The following BRAT1 variants were observed in gnomAD, a reference collection of about 807,000 sequenced individuals.
The protein encoded by BRAT1 is BRCA1 associated ATM activator 1.
Under a neutral mutation model 70.6 loss-of-function variants are expected in BRAT1, and 74 were observed. The observed-to-expected ratio is 1.05, with a 90% CI of 0.87 to 1.27. BRAT1 has a LOEUF of 1.27. Among genes scored for constraint, BRAT1 ranks in the 50% most tolerant of loss-of-function variants. BRAT1 has a pLI of 0.00. For missense variants in BRAT1, 1,203 were observed against 1,098.2 expected (o/e 1.10, Z -1.35); for synonymous variants, 615 against 517.1 (o/e 1.19, Z -2.57).
At chr7:2,552,777 CG>C (rs1482250516) in intron 2 of BRAT1, among the ~76,000 whole-genome samples, 1 of 150,822 alleles carries the variant, frequency 6.6e-6, no homozygotes, top group Admixed American at 6.6e-5. Flanking sequence ...CTCGCTCTGT[CG>C]CCCAGGCTGC....
chr7:2,543,994 G>A lies in BRAT1; in HGVS notation c.431-32C>T. Reference sequence around the variant, plus strand: ...AGGGGATGGGGGAAGAGAGGGAAAAGGGGGTGAGCCAGAATAGAGCTGGGG... The same window carrying A: ...AGGGGATGGGGGAAGAGAGGGAAAAAGGGGTGAGCCAGAATAGAGCTGGGG... On this transcript the variant is annotated intron_variant, in intron 4 of 13. Coordinates refer to ENST00000340611, the MANE Select transcript of BRAT1 (RefSeq NM_152743.4). This position sits in a 1 kb window ranked among gnomAD's most constrained non-coding sequence, Gnocchi z 5.5. 6 of 1,523,434 alleles carry A rather than the reference G, an allele frequency of 3.9e-6. No homozygotes were observed. Among genetic ancestry groups the A allele is most frequent in the Non-Finnish European group, 5.3e-6 (6 of 1,129,270 alleles). The allele number at this position is 1,523,434 out of a possible 1,614,324, so 94.4% of individuals were successfully genotyped here.
At chr7:2,545,997 T>C (rs770152484) in intron 3 of BRAT1, among the ~76,000 whole-genome samples, 13 of 152,232 alleles carry the variant, frequency 8.5e-5, no homozygotes, top group Non-Finnish European at 1.2e-4. Flanking sequence ...GGCGAGGGCC[T>C]GTGAGGCACC....
chr7:2,543,056 C>G lies in BRAT1; in HGVS notation c.923+148G>C. 2.0e-6 allele frequency: 2 copies of G among 1,010,410 alleles called. No homozygotes were observed. The highest frequency in any genetic ancestry group is 2.7e-5 in the Admixed American group (1 of 37,558). The allele number at this position is 1,010,410 out of a possible 1,614,324, so 62.6% of individuals were successfully genotyped here. ...AACCTTCAGAAGCTGCCGCGCGCAACCCACGCACCACCCAGTCACACCCCG... is the reference window on the plus strand; with the variant it reads ...AACCTTCAGAAGCTGCCGCGCGCAAGCCACGCACCACCCAGTCACACCCCG... On this transcript the variant is annotated intron_variant, in intron 6 of 13. Coordinates refer to ENST00000340611, the MANE Select transcript of BRAT1 (RefSeq NM_152743.4). The surrounding 1 kb of genome is among the most constrained non-coding windows in gnomAD (Gnocchi z 5.5).
intron 3 of BRAT1, among the ~76,000 whole-genome samples, chr7:2,546,175 C>T (rs1290638552): frequency 6.6e-6 from 1 of 152,210 alleles, no homozygotes; most frequent in African/African-American, 2.4e-5. Context: ...GGAGCAGTGG[C>T]TCACGACTGT....
rs1157303948 is a variant in BRAT1 at position 2,543,803 on chromosome 7, T to C, written c.590A>G (p.Lys197Arg). The C allele has an allele frequency of 6.2e-7, 1 of 1,612,812 alleles. No individual in the cohort carries two copies. Among genetic ancestry groups the C allele is most frequent in the Non-Finnish European group, 8.5e-7 (1 of 1,179,766 alleles). The change falls in exon 5 of 14, where the codon AAG becomes AGG. Residue 197 changes from lysine to arginine, a missense_variant. Transcript: ENST00000340611. This position sits in a 1 kb window ranked among gnomAD's most constrained non-coding sequence, Gnocchi z 5.5. ...PGGDWPACAQKIMDHVEESLC... is the reference protein window; with the variant it reads ...PGGDWPACAQRIMDHVEESLC... ...GGACTCTTCAACGTGATCCATGATC[T>C]TCTGGGCACACGCGGGCCAGTCACC...
intron 9 of BRAT1, 103 bp downstream of exon 9, chr7:2,541,195 A>G (rs1424782180): frequency 3.5e-6 from 4 of 1,149,130 alleles, no homozygotes; most frequent in Non-Finnish European, 4.7e-6. Flanking sequence ...CCCACCCCAG[A>G]GAAGAAACAG....
chr7:2,552,089 T>C (rs1261631018), intron 2 of BRAT1, among the ~76,000 whole-genome samples: 3 of 17,598 alleles, frequency 1.7e-4, no homozygotes, highest in South Asian at 3.4e-3. Flanking sequence ...TAAATATATA[T>C]ATATATATAT....
chr7:2,547,485 G>A lies in BRAT1; in HGVS notation c.128-7C>T, dbSNP rs1779701210. ...AGCAGCACGACACTGGACTCTGTGG[G>A]GATGGCCCAGCCCAGGGGTCACCAG... is the stretch of plus-strand genomic sequence containing the variant. On this transcript the variant is annotated splice_region_variant and splice_polypyrimidine_tract_variant and intron_variant, in intron 2 of 13. Coordinates refer to ENST00000340611, the MANE Select transcript of BRAT1 (RefSeq NM_152743.4). 3 of 1,613,670 alleles carry A rather than the reference G, an allele frequency of 1.9e-6. No individual in the cohort carries two copies. In the East Asian group the frequency reaches 6.7e-5, roughly 36 times the overall value.
intron 11 of BRAT1, 35 bp from the exon 12 acceptor site, chr7:2,539,677 G>A (rs1477342297): frequency 6.4e-7 from 1 of 1,564,178 alleles, no homozygotes. Flanking sequence ...GGTGACCTTG[G>A]GGCCAGGCTC....
chr7:2,540,570 G>C (rs1779065816), intron 10 of BRAT1: 1 of 179,090 alleles, frequency 5.6e-6, no homozygotes, highest in Non-Finnish European at 1.2e-5. Context: ...TCTGCTGTCT[G>C]CTCAGCGGCA....
At chr7:2,547,518 G>A (rs370919994) in intron 2 of BRAT1, 40 bp from the exon 3 acceptor site, 16 of 1,597,390 alleles carry the variant, frequency 1.0e-5, no homozygotes, top group Non-Finnish European at 1.4e-5. Flanking sequence ...CAGGGGTACG[G>A]CACCAGGTGT....
rs529698884 is a variant in BRAT1, at chr7:2,550,406, T to G, written c.128-2928A>C. Among the ~76,000 whole-genome samples the G allele has an allele frequency of 4.3e-4, 56 of 131,416 alleles. 1 individual carries two copies. The South Asian group carries it at 0.012, about 28-fold the overall frequency. The allele number at this position is 131,416 out of a possible 152,430, so 86.2% of individuals were successfully genotyped here. A position where few individuals can be genotyped will look rare whatever the true frequency, so the allele number is the denominator to read the frequency against. On this transcript the variant is annotated intron_variant, in intron 2 of 13. Transcript: ENST00000340611. ...TCATCTGAGCCCAAGAAGTCGAGGC[T>G]GCAGTGAACCGAGATCATGCCACTG...
In BRAT1 at chr7:2,538,326, G is replaced by A. The variant is rs60152725; in HGVS notation, c.2209C>T (p.Arg737Trp). 4.3e-3 allele frequency: 7,014 copies of A among 1,613,002 alleles called. 249 individuals are homozygous for A. The African/African-American group carries it at 0.078, about 18-fold the overall frequency. ...GTGTTGGGGCTGCCCCTGGCCTCCC[G>A]CAGGCTGCTGTAGGAAGCAATCTTG... ...RDKIASYSSL[R>W]EARGSPNTAS... Residue 737 changes from arginine (R) to tryptophan (W), a missense_variant, in exon 14 of 14, where the codon CGG (arginine) becomes TGG (tryptophan). Physicochemically the swap from Arg to Trp is moderately radical, Grantham distance 101. Coordinates refer to ENST00000340611, the MANE Select transcript of BRAT1 (RefSeq NM_152743.4).
intron 10 of BRAT1, 134 bp downstream of exon 10, chr7:2,540,845 C>A (rs1779090223): frequency 5.2e-6 from 5 of 967,358 alleles, no homozygotes; most frequent in Non-Finnish European, 7.2e-6. Flanking sequence ...TCGTGAAGCT[C>A]TCTGAGCAGC....
Position 2,539,614 on chromosome 7 carries a change from C to T in BRAT1, c.1527G>A (p.Leu509=), listed in dbSNP as rs763100774. The T allele has an allele frequency of 3.1e-6, 5 of 1,594,278 alleles. No individual in the cohort carries two copies. The African/African-American group carries it at 6.7e-5, about 21-fold the overall frequency. ...RELFPVLQKR[L]CHPCWEVRDS... is the part of the protein sequence containing the mutation. ...CCCTCACCTCCCAGCAGGGGTGGCA[C>T]AGGCGTTTCTGCAGCACAGGGAACA... Residue 509 remains leucine (L), a synonymous_variant, in exon 12 of 14, where the codon CTG becomes CTA. Transcript: ENST00000340611.
At chr7:2,544,200 G>GTGTTTT in intron 4 of BRAT1, 2 of 106,232 alleles carry the variant, frequency 1.9e-5, no homozygotes, top group Non-Finnish European at 3.4e-5. Context: ...CCTTCTTGTT[G>GTGTTTT]TTTTTTTTTT....
rs1332522597 is a variant in BRAT1, at chr7:2,538,139, G to C, written c.2396C>G (p.Pro799Arg). Residue 799 changes from proline (P) to arginine (R), a missense_variant, in exon 14 of 14, where the codon CCC becomes CGC. By Grantham distance (103) the Pro-to-Arg change is moderately radical. Coordinates refer to ENST00000340611, the MANE Select transcript of BRAT1 (RefSeq NM_152743.4). ...CAGCATGTCCTGCAGGAGGGACTGG[G>C]GACTCTTTTCCACGTGGTCGCTGCT... is the stretch of plus-strand genomic sequence containing the variant. ...AESSDHVEKSPQSLLQDMLAT... is the reference protein window; with the variant it reads ...AESSDHVEKSRQSLLQDMLAT... 6.2e-7 allele frequency: 1 copy of C among 1,607,300 alleles called. No individual in the cohort carries two copies. Among genetic ancestry groups the C allele is most frequent in the Non-Finnish European group, 8.5e-7 (1 of 1,175,678 alleles).
intron 3 of BRAT1, among the ~76,000 whole-genome samples, chr7:2,545,948 C>T (rs541238558): frequency 2.4e-4 from 37 of 152,334 alleles, no homozygotes; most frequent in Middle Eastern, 6.8e-3. Flanking sequence ...GCATCGTGAA[C>T]GGCAAGCTAA....
chr7:2,539,575 C>T lies in BRAT1; in HGVS notation c.1566G>A (p.Glu522=). 1 of 1,580,292 alleles carries T rather than the reference C, an allele frequency of 6.3e-7. No homozygotes were observed. The highest frequency in any genetic ancestry group is 8.6e-7 in the Non-Finnish European group (1 of 1,162,418). The change falls in exon 12 of 14, where the codon GAG becomes GAA. Residue 522 remains glutamate, a synonymous_variant. Transcript: ENST00000340611. ...PCWEVRDSAL[E]FLTQLSRHWG... is the part of the protein sequence containing the mutation. ...AGTGCCTGCTCAGCTGGGTCAGGAACTCGAGGGCGGAGTCCCTCACCTCCC... is the reference window on the plus strand; with the variant it reads ...AGTGCCTGCTCAGCTGGGTCAGGAATTCGAGGGCGGAGTCCCTCACCTCCC...
Sources: gnomAD v4.1 joint callset for allele counts (sites outside exome capture counted in the v4.1 genomes callset) on GRCh38, gnomAD v4.1.1 for gene constraint, Gnocchi (gnomAD v3.1) non-coding constraint, MANE v1.5 for transcripts, NCBI Gene and HGNC (gene_info 2026-07-23, HGNC 2026-07-21) for gene names.